CSMD1: variants seen among roughly 807,000 people sequenced by gnomAD.
CSMD1 encodes the protein CUB and Sushi multiple domains 1.
Under a neutral mutation model 417.5 loss-of-function variants are expected in CSMD1, and 213 were observed. The observed-to-expected ratio is 0.51, with a 90% CI of 0.46 to 0.57. CSMD1 has a LOEUF of 0.57. CSMD1 is among the 20% of genes least tolerant of loss of function. The pLI is 0.00. For missense variants in CSMD1, 6,923 were observed against 4,529.7 expected, an observed-to-expected ratio of 1.53 and a Z score of -15.17; for synonymous variants, 2,862 against 1,736.8, an observed-to-expected ratio of 1.65 and a Z score of -16.11.
Position 3,654,677 on chromosome 8 carries a change from T to A in CSMD1, c.1010-37880A>T, listed in dbSNP as rs532467093. ...CCATTTGTGATATGCTAAGTAAGAC[T>A]GGCTGAGATTCGGGTCAGAGCCAGC... On this transcript the variant is annotated intron_variant, in intron 7 of 69. Coordinates refer to ENST00000635120, the MANE Select transcript of CSMD1 (RefSeq NM_033225.6). Among the ~76,000 whole-genome samples the A allele has an allele frequency of 9.8e-5, 15 of 152,324 alleles. No individual in the cohort carries two copies. The South Asian group carries it at 2.7e-3, about 27-fold the overall frequency.
chr8:4,256,990 T>G (rs1048479781), intron 3 of CSMD1, among the ~76,000 whole-genome samples: 2 of 152,176 alleles, frequency 1.3e-5, no homozygotes, highest in Admixed American at 6.5e-5. Flanking sequence ...CTGGAAGAAG[T>G]ATGTAACTTC....
chr8:4,151,637 G>C (rs1012404915), intron 3 of CSMD1, among the ~76,000 whole-genome samples: 1 of 152,034 alleles, frequency 6.6e-6, no homozygotes, highest in Non-Finnish European at 1.5e-5. Flanking sequence ...TTGTTATCAA[G>C]AATCTGTGGC....
chr8:4,376,046 T>G (rs948338981), intron 3 of CSMD1, among the ~76,000 whole-genome samples: 2 of 152,204 alleles, frequency 1.3e-5, no homozygotes, highest in Admixed American at 6.5e-5. Flanking sequence ...AGTCTTGATA[T>G]CTATACTGAA....
At position 3,768,657 on chromosome 8, in the gene CSMD1, GAACTT is replaced by G. The variant is rs1156371411; in HGVS notation, c.819-14620_819-14616del. Among the ~76,000 whole-genome samples the G allele has an allele frequency of 2.0e-5, 3 of 152,302 alleles. No individual in the cohort carries two copies. In the East Asian group the frequency reaches 5.8e-4, roughly 29 times the overall value. ...TATTTTCACTTGCTCCAGAAGCTCA[GAACTT>G]TTAAGTGTTGTGTTATTGCTCCTTT... On this transcript the variant is annotated intron_variant, in intron 5 of 69. Coordinates refer to ENST00000635120, the MANE Select transcript of CSMD1 (RefSeq NM_033225.6).
chr8:3,277,593 G>A (rs971099847), intron 26 of CSMD1, among the ~76,000 whole-genome samples: 3 of 152,176 alleles, frequency 2.0e-5, no homozygotes, highest in Admixed American at 1.3e-4. Context: ...CTGGCAGGAT[G>A]GAGTTGACTT....
chr8:3,782,240 A>G (rs1026603531), intron 5 of CSMD1, among the ~76,000 whole-genome samples: 1 of 152,206 alleles, frequency 6.6e-6, no homozygotes, highest in African/African-American at 2.4e-5. Flanking sequence ...AGTCACCAGG[A>G]TGTTAGTTTT....
chr8:4,182,924 G>C (rs1028516815), intron 3 of CSMD1, among the ~76,000 whole-genome samples: 2 of 152,084 alleles, frequency 1.3e-5, no homozygotes, highest in Admixed American at 6.6e-5. Context: ...ACGGTGGATA[G>C]AATCTCAATT....
At chr8:3,363,723 C>T in intron 20 of CSMD1, among the ~76,000 whole-genome samples, 1 of 152,228 alleles carries the variant, frequency 6.6e-6, no homozygotes, top group Admixed American at 6.5e-5. Context: ...TGTAATGGCA[C>T]AAAGTGGTCC....
chr8:3,713,809 A>C (rs575807699), intron 6 of CSMD1, among the ~76,000 whole-genome samples: 2 of 152,354 alleles, frequency 1.3e-5, no homozygotes, highest in Admixed American at 6.5e-5. Context: ...AACTACTTGC[A>C]AATTTGAAGA....
At chr8:3,834,416 C>G (rs1397186227) in intron 5 of CSMD1, among the ~76,000 whole-genome samples, 6 of 151,928 alleles carry the variant, frequency 3.9e-5, no homozygotes, top group Admixed American at 3.3e-4. Context: ...CCCCAAATAC[C>G]CCCTGGAAGT....
At position 3,882,408 on chromosome 8, in the gene CSMD1, C is replaced by A. The variant is rs529582552; in HGVS notation, c.818+115495G>T. ...TACAATTTTAAAAACAGGAAACCTG[C>A]CAAATGTTGGTTATGTGGAGCAACT... On this transcript the variant is annotated intron_variant, in intron 5 of 69. Coordinates refer to ENST00000635120, the MANE Select transcript of CSMD1 (RefSeq NM_033225.6). Among the ~76,000 whole-genome samples the A allele has an allele frequency of 5.9e-5, 9 of 152,148 alleles. No individual in the cohort carries two copies. The South Asian group carries it at 1.0e-3, about 18-fold the overall frequency.
At chr8:3,055,961 G>A (rs147694589) in intron 49 of CSMD1, among the ~76,000 whole-genome samples, 2 of 152,208 alleles carry the variant, frequency 1.3e-5, no homozygotes, top group East Asian at 3.9e-4. Context: ...TACAAAATGC[G>A]AGCCCTCTGT....
In CSMD1 at chr8:3,378,326, A is replaced by G. The variant is rs1430964550; in HGVS notation, c.2783-8956T>C. ...GTCGAATTCTCCCAGAAGTACAAAG[A>G]GGAGCTGGTACCATTCCTTCTGAAA... On this transcript the variant is annotated intron_variant, in intron 18 of 69. Transcript: ENST00000635120. 5.3e-5 allele frequency among the ~76,000 whole-genome samples: 8 copies of G among 152,306 alleles called. 1 individual carries two copies. The East Asian group carries it at 1.4e-3, about 26-fold the overall frequency.
intron 54 of CSMD1, among the ~76,000 whole-genome samples, chr8:2,993,779 C>T (rs1026961284): frequency 1.3e-5 from 2 of 152,058 alleles, no homozygotes; most frequent in African/African-American, 2.4e-5. Context: ...GCTCCCGTCT[C>T]GGCCCTTATG....
intron 3 of CSMD1, among the ~76,000 whole-genome samples, chr8:4,154,649 G>C (rs527717127): frequency 1.8e-4 from 27 of 152,170 alleles, no homozygotes; most frequent in Non-Finnish European, 3.8e-4. Context: ...AAAAGGAATT[G>C]TATTCTAGTC....
chr8:3,888,405 C>G (rs577925277), intron 5 of CSMD1, among the ~76,000 whole-genome samples: 3 of 152,142 alleles, frequency 2.0e-5, no homozygotes, highest in South Asian at 2.1e-4. Context: ...TCATTCTATA[C>G]GGAAACCTTT....
intron 1 of CSMD1, among the ~76,000 whole-genome samples, chr8:4,991,695 G>T (rs572989461): frequency 6.6e-6 from 1 of 152,218 alleles, no homozygotes; most frequent in Admixed American, 6.5e-5. Flanking sequence ...GACGCCCCCG[G>T]GGGGAGGCCC....
In CSMD1 at chr8:3,091,505, C is replaced by A; in HGVS notation, c.7285+11G>T. ...ATACTTTCATATAAAATCTAAACCTCATTTACTTACCTGCATAGCGAATCT... is the reference window on the plus strand; with the variant it reads ...ATACTTTCATATAAAATCTAAACCTAATTTACTTACCTGCATAGCGAATCT... On this transcript the variant is annotated intron_variant, in intron 48 of 69. Coordinates refer to ENST00000635120, the MANE Select transcript of CSMD1 (RefSeq NM_033225.6). 3 of 1,586,146 alleles carry A rather than the reference C, an allele frequency of 1.9e-6. No individual in the cohort carries two copies. The highest frequency in any genetic ancestry group is 2.3e-5 in the East Asian group (1 of 44,006).
At chr8:4,914,516 TG>T (rs1422043655) in intron 1 of CSMD1, among the ~76,000 whole-genome samples, 2 of 149,648 alleles carry the variant, frequency 1.3e-5, no homozygotes, top group Non-Finnish European at 3.0e-5. Flanking sequence ...ATGCGGAGTT[TG>T]CAGTGAGCTG....
Sources: allele counts gnomAD v4.1 joint callset (sites outside exome capture counted in the v4.1 genomes callset), GRCh38; gene constraint gnomAD v4.1.1; transcripts MANE v1.5; gene names NCBI Gene and HGNC (gene_info 2026-07-23, HGNC 2026-07-21).